ANK2: variants seen among roughly 807,000 people sequenced by gnomAD.
ANK2 encodes ankyrin-2.
ANK2 carries 83 observed loss-of-function variants against 360.5 expected under a neutral mutation model. That is an observed-to-expected ratio of 0.23 (90% CI 0.19 to 0.28). The LOEUF (loss-of-function observed/expected upper bound fraction) is 0.28, where lower values mean the gene tolerates loss of function less well. Among genes scored for constraint, ANK2 ranks in the 10% least tolerant of loss-of-function variants. The pLI is 1.00. For synonymous variants in ANK2, 1,740 were observed against 1,759.5 expected, an observed-to-expected ratio of 0.99 and a Z score of 0.28; for missense variants, 4,201 against 4,795.7, an observed-to-expected ratio of 0.88 and a Z score of 3.66.
At position 113,336,025 on chromosome 4, in the gene ANK2, G is replaced by A. The variant is rs745677085; in HGVS notation, c.3559G>A (p.Ala1187Thr). ...PQVQAVFPEG[A>T]LTKRIRVGLQ... Reference sequence around the variant, plus strand: ...GGTGCAGGCCGTCTTCCCAGAGGGGGCACTCACCAAGCGGATCCGCGTAGG... The same window carrying A: ...GGTGCAGGCCGTCTTCCCAGAGGGGACACTCACCAAGCGGATCCGCGTAGG... Residue 1187 changes from alanine to threonine, a missense_variant, in exon 30 of 46, where the codon GCA becomes ACA. Physicochemically the swap from Ala to Thr is moderately conservative, Grantham distance 58 (BLOSUM62 0). Around this residue, in one of 4 missense-constraint regions of ANK2, gnomAD observed 1,268 missense variants for 1,650.8 expected, o/e 0.77. Transcript: ENST00000357077. 2 of 1,614,062 alleles carry A rather than the reference G, an allele frequency of 1.2e-6. No individual in the cohort carries two copies. The highest frequency in any genetic ancestry group is 1.1e-5 in the South Asian group (1 of 91,084).
chr4:113,265,135 G>GA (rs1323582956), intron 14 of ANK2, 140 bp downstream of exon 14: 21,290 of 609,416 alleles, frequency 0.035, 1 homozygote, highest in East Asian at 0.042. Flanking sequence ...CAGTTTTCCA[G>GA]AAAAAAAAAA....
the ANK2 span, among the ~76,000 whole-genome samples, chr4:112,731,067 A>T: frequency 6.6e-6 from 1 of 151,690 alleles, no homozygotes; most frequent in East Asian, 1.9e-4. Flanking sequence ...GCTTGAACCC[A>T]GGAGGTGGAG....
intron 2 of ANK2, among the ~76,000 whole-genome samples, chr4:112,984,354 C>T (rs992001400): frequency 2.4e-4 from 37 of 152,162 alleles, no homozygotes; most frequent in African/African-American, 8.2e-4. Flanking sequence ...CTCACAATCA[C>T]GGAAGAAGGC....
chr4:113,043,073 C>T (rs767826107), intron 2 of ANK2, among the ~76,000 whole-genome samples: 7 of 151,966 alleles, frequency 4.6e-5, no homozygotes, highest in Non-Finnish European at 8.8e-5. Flanking sequence ...CAGTGACCCC[C>T]CAAATATCTG....
chr4:113,253,336 A>G (rs2047496638), intron 10 of ANK2, among the ~76,000 whole-genome samples: 1 of 152,076 alleles, frequency 6.6e-6, no homozygotes, highest in African/African-American at 2.4e-5. Flanking sequence ...TCTTTTCTCT[A>G]TCGGCACTCA....
intron 1 of ANK2, among the ~76,000 whole-genome samples, chr4:113,131,395 A>G (rs1275514475): frequency 6.6e-6 from 1 of 152,218 alleles, no homozygotes; most frequent in Non-Finnish European, 1.5e-5. Context: ...AGAAAACTGT[A>G]CACACCAGTG....
intron 2 of ANK2, among the ~76,000 whole-genome samples, chr4:112,954,224 T>TCCCC (rs2095217990): frequency 4.3e-5 from 2 of 46,192 alleles, no homozygotes; most frequent in African/African-American, 1.6e-4. Flanking sequence ...CATCCCTCCC[T>TCCCC]CCCTCCCTTC....
chr4:113,190,269 T>C (rs1222112492), intron 2 of ANK2, among the ~76,000 whole-genome samples: 1 of 152,122 alleles, frequency 6.6e-6, no homozygotes, highest in Non-Finnish European at 1.5e-5. Context: ...TGAGTCAGGC[T>C]AATTTTTTAG....
At chr4:113,375,762 C>T (rs1431850475) in intron 45 of ANK2, among the ~76,000 whole-genome samples, 1 of 151,538 alleles carries the variant, frequency 6.6e-6, no homozygotes, top group Non-Finnish European at 1.5e-5. Flanking sequence ...GAAAATGGGT[C>T]CACAGTAACA....
intron 1 of ANK2, among the ~76,000 whole-genome samples, chr4:112,876,481 A>G (rs1238033682): frequency 6.6e-6 from 1 of 151,168 alleles, no homozygotes; most frequent in African/African-American, 2.4e-5. Context: ...TGGAAAAAGC[A>G]AAAAAAAAGA....
chr4:113,216,117 C>T (rs1370297112), intron 4 of ANK2, among the ~76,000 whole-genome samples: 1 of 152,170 alleles, frequency 6.6e-6, no homozygotes. Flanking sequence ...ACACTAGGAG[C>T]AAGCATTTCT....
At chr4:112,964,077 A>T (rs1329785927) in intron 2 of ANK2, among the ~76,000 whole-genome samples, 1 of 149,838 alleles carries the variant, frequency 6.7e-6, no homozygotes, top group African/African-American at 2.5e-5. Context: ...TTTCCTTTTT[A>T]AAATTTTTAA....
At chr4:112,825,680 CTTAA>C (rs1220062085) in intron 1 of ANK2, among the ~76,000 whole-genome samples, 1 of 152,176 alleles carries the variant, frequency 6.6e-6, no homozygotes, top group Non-Finnish European at 1.5e-5. Context: ...ACCAAATTCA[CTTAA>C]TTAATATATT....
rs79048437 is a variant in ANK2, at chr4:113,161,299, A to G, written c.85-13117A>G. 6.6e-5 allele frequency among the ~76,000 whole-genome samples: 10 copies of G among 152,338 alleles called. No homozygotes were observed. In the East Asian group the frequency reaches 1.3e-3, roughly 21 times the overall value. On this transcript the variant is annotated intron_variant, in intron 1 of 45. Transcript: ENST00000357077. ...GGATTTTTGTTGACAGAGTTCCAACAGAAGAATTTTGCAATATAAGCTAAG... is the reference window on the plus strand; with the variant it reads ...GGATTTTTGTTGACAGAGTTCCAACGGAAGAATTTTGCAATATAAGCTAAG...
the ANK2 span, among the ~76,000 whole-genome samples, chr4:112,755,286 C>A: frequency 6.6e-6 from 1 of 152,186 alleles, no homozygotes; most frequent in Non-Finnish European, 1.5e-5. Flanking sequence ...TATGACCTTT[C>A]CAATGAATTA....
intron 2 of ANK2, among the ~76,000 whole-genome samples, chr4:112,921,582 T>C (rs2151182203): frequency 6.6e-6 from 1 of 152,184 alleles, no homozygotes; most frequent in South Asian, 2.1e-4. Flanking sequence ...CAAGCTATCC[T>C]CCTGCCTCAA....
chr4:113,097,820 A>T (rs2091709147), intron 1 of ANK2, among the ~76,000 whole-genome samples: 1 of 146,094 alleles, frequency 6.8e-6, no homozygotes, highest in Non-Finnish European at 1.5e-5. Flanking sequence ...GCTATAGATA[A>T]ATTTTCCTCT....
chr4:113,221,524 T>C (rs1238596803), intron 4 of ANK2, among the ~76,000 whole-genome samples: 1 of 151,888 alleles, frequency 6.6e-6, no homozygotes, highest in Non-Finnish European at 1.5e-5. Context: ...GCAGGCATGG[T>C]GGCACAGGCC....
the ANK2 span, among the ~76,000 whole-genome samples, chr4:112,785,319 G>A: frequency 6.6e-6 from 1 of 152,118 alleles, no homozygotes; most frequent in East Asian, 1.9e-4. Flanking sequence ...AATGGGTGAA[G>A]CTCTTGGCAG....
Sources: gnomAD v4.1 joint callset for allele counts (sites outside exome capture counted in the v4.1 genomes callset) on GRCh38, gnomAD v4.1.1 for gene constraint, gnomAD v4.1.1 regional missense constraint, MANE v1.5 for transcripts, NCBI Gene and HGNC (gene_info 2026-07-23, HGNC 2026-07-21) for gene names.